Variants in EPB41 observed in about 807,000 individuals in gnomAD.
The protein encoded by EPB41 is protein 4.1.
Under a neutral mutation model 108.0 loss-of-function variants are expected in EPB41, and 65 were observed. The observed-to-expected ratio is 0.60, with a 90% CI of 0.49 to 0.74. The LOEUF (loss-of-function observed/expected upper bound fraction) is 0.74. EPB41 is among the 30% of genes least tolerant of loss of function. EPB41 has a pLI of 0.00. For synonymous variants in EPB41, 336 were observed against 358.9 expected (o/e 0.94, Z 0.72); for missense variants, 875 against 1,037.0 (o/e 0.84, Z 2.15).
At chr1:28,904,018 C>G (rs543757650) in intron 1 of EPB41, among the ~76,000 whole-genome samples, 1 of 152,090 alleles carries the variant, frequency 6.6e-6, no homozygotes, top group East Asian at 1.9e-4. Flanking sequence ...AGGCACCCAC[C>G]ACTGCACCCG....
At chr1:29,043,539 A>G (rs1284613101) in intron 11 of EPB41, among the ~76,000 whole-genome samples, 1 of 152,240 alleles carries the variant, frequency 6.6e-6, no homozygotes, top group Non-Finnish European at 1.5e-5. Context: ...ATTCCAATTT[A>G]AATAGCCACA....
At chr1:29,058,700 C>A in intron 13 of EPB41, 55 bp downstream of exon 13, 1 of 1,580,396 alleles carries the variant, frequency 6.3e-7, no homozygotes, top group Non-Finnish European at 8.6e-7. Context: ...CAGTTTTTTT[C>A]TTCTCCCTTA....
intron 14 of EPB41, 126 bp downstream of exon 14, chr1:29,058,978 C>A: frequency 1.1e-6 from 1 of 911,856 alleles, no homozygotes; most frequent in Non-Finnish European, 1.7e-6. Context: ...TTAATAGTTT[C>A]AAATAATGGA....
At chr1:28,936,756 T>G (rs1205813846) in intron 1 of EPB41, among the ~76,000 whole-genome samples, 2 of 152,256 alleles carry the variant, frequency 1.3e-5, no homozygotes, top group Non-Finnish European at 2.9e-5. Context: ...AATATTCCAC[T>G]GTAGTATCAC....
rs559168836 is a variant in EPB41 at position 28,964,607 on chromosome 1, A to T, written c.-7-22824A>T. Among the ~76,000 whole-genome samples, 11 of 150,448 alleles carry T rather than the reference A, an allele frequency of 7.3e-5. No individual in the cohort carries two copies. The South Asian group carries it at 1.2e-3, about 17-fold the overall frequency. ...CAGAGTGAGAGTGAGACTCTGTCTC[A>T]AATAAATAAATAAATAAATAAAATA... is the stretch of plus-strand genomic sequence containing the variant. On this transcript the variant is annotated intron_variant, in intron 1 of 20. Coordinates refer to ENST00000343067, the MANE Select transcript of EPB41 (RefSeq NM_001376013.1).
intron 12 of EPB41, among the ~76,000 whole-genome samples, chr1:29,056,008 A>C (rs1322473486): frequency 6.6e-6 from 1 of 150,700 alleles, no homozygotes; most frequent in East Asian, 2.0e-4. Flanking sequence ...AGGCCGAGGC[A>C]GGCGGATCAC....
intron 1 of EPB41, among the ~76,000 whole-genome samples, chr1:28,984,256 A>T (rs1358363775): frequency 6.6e-6 from 1 of 152,160 alleles, no homozygotes; most frequent in Non-Finnish European, 1.5e-5. Flanking sequence ...GAAAACAGGG[A>T]TATAAAGTCT....
chr1:28,888,476 G>A (rs931706584), intron 1 of EPB41, among the ~76,000 whole-genome samples: 1 of 152,210 alleles, frequency 6.6e-6, no homozygotes, highest in Non-Finnish European at 1.5e-5. Flanking sequence ...ATGTTGGGGA[G>A]GAGGGTGGAG....
At chr1:28,969,058 A>G (rs1283863025) in intron 1 of EPB41, among the ~76,000 whole-genome samples, 1 of 149,582 alleles carries the variant, frequency 6.7e-6, no homozygotes, top group Non-Finnish European at 1.5e-5. Flanking sequence ...TTCTTATAGA[A>G]TCTTTGGACA....
chr1:29,080,434 G>A (rs1387986234), intron 16 of EPB41, among the ~76,000 whole-genome samples: 1 of 148,074 alleles, frequency 6.8e-6, no homozygotes, highest in Non-Finnish European at 1.5e-5. Flanking sequence ...TTTGAGACAG[G>A]GTCTCACTCT....
intron 1 of EPB41, among the ~76,000 whole-genome samples, chr1:28,961,217 G>C (rs2149138745): frequency 6.6e-6 from 1 of 152,132 alleles, no homozygotes; most frequent in Non-Finnish European, 1.5e-5. Flanking sequence ...CAAAGGTAAA[G>C]GGACTCTGAA....
chr1:29,009,745 A>G (rs2096467902), intron 4 of EPB41, among the ~76,000 whole-genome samples: 1 of 152,170 alleles, frequency 6.6e-6, no homozygotes, highest in South Asian at 2.1e-4. Flanking sequence ...CGCCTTTCTG[A>G]CAGGCTTAAA....
chr1:28,942,394 C>T (rs977164941), intron 1 of EPB41, among the ~76,000 whole-genome samples: 8 of 152,318 alleles, frequency 5.3e-5, no homozygotes, highest in African/African-American at 1.9e-4. Flanking sequence ...TTCCCACAAC[C>T]CCCTCTTTGG....
intron 17 of EPB41, among the ~76,000 whole-genome samples, chr1:29,102,256 C>T (rs1049100037): frequency 3.9e-5 from 6 of 152,026 alleles, no homozygotes; most frequent in African/African-American, 1.5e-4. Context: ...TTCTGTGTGG[C>T]CTTTAATAAA....
At chr1:29,106,451 T>TTTTA (rs1319380974) in intron 17 of EPB41, among the ~76,000 whole-genome samples, 5 of 151,888 alleles carry the variant, frequency 3.3e-5, no homozygotes, top group East Asian at 1.9e-4. Context: ...TTATTTTTTA[T>TTTTA]TTTATTTATT....
At chr1:29,088,590 T>A (rs1241669503) in intron 16 of EPB41, among the ~76,000 whole-genome samples, 1 of 152,186 alleles carries the variant, frequency 6.6e-6, no homozygotes, top group Non-Finnish European at 1.5e-5. Flanking sequence ...GCAACAACAC[T>A]GTCAGAATTC....
intron 16 of EPB41, among the ~76,000 whole-genome samples, chr1:29,093,543 T>G (rs1662077384): frequency 6.6e-6 from 1 of 152,206 alleles, no homozygotes; most frequent in Non-Finnish European, 1.5e-5. Flanking sequence ...GCTCTTAAGT[T>G]TAATTAGATC....
At chr1:29,054,795 G>C (rs1474156679) in intron 12 of EPB41, among the ~76,000 whole-genome samples, 1 of 152,126 alleles carries the variant, frequency 6.6e-6, no homozygotes, top group African/African-American at 2.4e-5. Context: ...AGAGGCTTCA[G>C]TGCACCGAGA....
chr1:29,041,104 C>T (rs143684473), intron 11 of EPB41: 94 of 149,970 alleles, frequency 6.3e-4, no homozygotes, highest in African/African-American at 2.3e-3. Flanking sequence ...CCATTGGACT[C>T]CAGCCTGGGA....
Sources: allele counts gnomAD v4.1 joint callset (sites outside exome capture counted in the v4.1 genomes callset), GRCh38; gene constraint gnomAD v4.1.1; transcripts MANE v1.5; gene names NCBI Gene and HGNC (gene_info 2026-07-23, HGNC 2026-07-21).